Variants in GALNT13 observed in about 807,000 individuals in gnomAD.
GALNT13 encodes UDP-GalNAc:polypeptide N-acetylgalactosaminyltransferase 13.
Under a neutral mutation model 64.2 loss-of-function variants are expected in GALNT13, and 28 were observed. The observed-to-expected ratio is 0.44, with a 90% CI of 0.32 to 0.60. GALNT13 has a LOEUF of 0.60. GALNT13 is among the 20% of genes least tolerant of loss of function. GALNT13 has a pLI of 0.05. For missense variants in GALNT13, 577 were observed against 669.8 expected (o/e 0.86, Z 1.53); for synonymous variants, 214 against 224.6 (o/e 0.95, Z 0.42).
At chr2:153,290,457 A>T in the GALNT13 span, among the ~76,000 whole-genome samples, 1 of 152,226 alleles carries the variant, frequency 6.6e-6, no homozygotes, top group Non-Finnish European at 1.5e-5. Flanking sequence ...GGCACTGGTT[A>T]CCAAAAATCT....
the GALNT13 span, among the ~76,000 whole-genome samples, chr2:153,160,638 T>G: frequency 6.6e-6 from 1 of 152,136 alleles, no homozygotes; most frequent in South Asian, 2.1e-4. Flanking sequence ...GAGAGAAGCA[T>G]GTGTCCATAG....
At chr2:153,644,161 C>G in the GALNT13 span, among the ~76,000 whole-genome samples, 1 of 151,840 alleles carries the variant, frequency 6.6e-6, no homozygotes, top group Non-Finnish European at 1.5e-5. Context: ...ACCAAAGTAT[C>G]TACAAATACA....
chr2:153,221,986 T>C, the GALNT13 span, among the ~76,000 whole-genome samples: 1 of 152,144 alleles, frequency 6.6e-6, no homozygotes, highest in Non-Finnish European at 1.5e-5. Flanking sequence ...TCTTCTCTCC[T>C]TATTCCCCCA....
At chr2:154,446,634 C>G (rs1048923564) in intron 12 of GALNT13, 2 of 1,548,574 alleles carry the variant, frequency 1.3e-6, no homozygotes, top group African/African-American at 2.7e-5. Context: ...TGATGGCTCC[C>G]AGCATCCTAC....
chr2:153,304,856 G>A, the GALNT13 span, among the ~76,000 whole-genome samples: 90 of 152,226 alleles, frequency 5.9e-4, no homozygotes, highest in Admixed American at 7.9e-4. Context: ...TGGTGCAATA[G>A]ATAATAAAAA....
the GALNT13 span, among the ~76,000 whole-genome samples, chr2:153,384,057 A>AT: frequency 6.6e-6 from 1 of 152,034 alleles, no homozygotes; most frequent in Non-Finnish European, 1.5e-5. Flanking sequence ...GCAAAAACCC[A>AT]TTTTCTATTC....
chr2:153,221,111 C>T, the GALNT13 span, among the ~76,000 whole-genome samples: 1 of 152,100 alleles, frequency 6.6e-6, no homozygotes, highest in African/African-American at 2.4e-5. Context: ...TGTAACAAAC[C>T]TGCACATCCT....
At chr2:153,237,012 A>G in the GALNT13 span, among the ~76,000 whole-genome samples, 1 of 152,096 alleles carries the variant, frequency 6.6e-6, no homozygotes, top group Admixed American at 6.6e-5. Flanking sequence ...TCCAACACTC[A>G]TTGAAAACTT....
intron 2 of GALNT13, among the ~76,000 whole-genome samples, chr2:153,921,624 T>C (rs1188983201): frequency 6.6e-6 from 1 of 151,990 alleles, no homozygotes; most frequent in Non-Finnish European, 1.5e-5. Context: ...ACAGAAGTTA[T>C]AATAATAATA....
chr2:154,199,181 A>G lies in GALNT13; in HGVS notation c.312-42849A>G, dbSNP rs562391021. Among the ~76,000 whole-genome samples, 30 of 152,058 alleles carry G rather than the reference A, an allele frequency of 2.0e-4. No homozygotes were observed. In the South Asian group the frequency reaches 6.2e-3, roughly 32 times the overall value. ...TAAAAATAATCATCATGGTATGTTT[A>G]GAAAACTGATTCTGTTCTGCTCTGA... On this transcript the variant is annotated intron_variant, in intron 4 of 12. Coordinates refer to ENST00000392825, the MANE Select transcript of GALNT13 (RefSeq NM_052917.4).
the GALNT13 span, among the ~76,000 whole-genome samples, chr2:153,079,569 A>G: frequency 1.3e-5 from 2 of 152,164 alleles, no homozygotes; most frequent in Non-Finnish European, 2.9e-5. Context: ...TTATGATTAG[A>G]GTTAGTGTCA....
intron 4 of GALNT13, among the ~76,000 whole-genome samples, chr2:154,145,064 CTCTCTCTCTA>C (rs1683490550): frequency 9.7e-6 from 1 of 103,034 alleles, no homozygotes; most frequent in African/African-American, 3.7e-5. Flanking sequence ...CTCTCTCTCT[CTCTCTCTCTA>C]TCTATCTATC....
the GALNT13 span, among the ~76,000 whole-genome samples, chr2:153,606,940 ATTC>A: frequency 1.4e-5 from 2 of 143,924 alleles, no homozygotes; most frequent in African/African-American, 2.6e-5. Flanking sequence ...AATCACTTCC[ATTC>A]TTCATCTCTT....
chr2:153,118,622 C>A, the GALNT13 span, among the ~76,000 whole-genome samples: 1 of 151,992 alleles, frequency 6.6e-6, no homozygotes, highest in East Asian at 1.9e-4. Context: ...GAGCCTCTGG[C>A]ATAAAGGCTC....
At chr2:153,900,031 G>C (rs914332551) in intron 1 of GALNT13, among the ~76,000 whole-genome samples, 1 of 149,368 alleles carries the variant, frequency 6.7e-6, no homozygotes, top group African/African-American at 2.5e-5. Flanking sequence ...CGCCTCCTGG[G>C]TTCAAGTGAT....
chr2:153,134,110 A>G, the GALNT13 span, among the ~76,000 whole-genome samples: 1 of 152,296 alleles, frequency 6.6e-6, no homozygotes, highest in East Asian at 1.9e-4. Flanking sequence ...CCGTTTTGAC[A>G]GTTAAGATGA....
the GALNT13 span, among the ~76,000 whole-genome samples, chr2:153,495,198 A>C: frequency 1.3e-5 from 2 of 152,146 alleles, no homozygotes; most frequent in Non-Finnish European, 2.9e-5. Flanking sequence ...CACTGGTAGG[A>C]CTACACAATG....
At chr2:153,219,783 A>G in the GALNT13 span, among the ~76,000 whole-genome samples, 1 of 152,232 alleles carries the variant, frequency 6.6e-6, no homozygotes, top group East Asian at 1.9e-4. Context: ...TTTAAGACAT[A>G]TCAGTGTGGG....
chr2:153,202,260 C>G, the GALNT13 span, among the ~76,000 whole-genome samples: 7 of 152,100 alleles, frequency 4.6e-5, no homozygotes, highest in African/African-American at 1.7e-4. Flanking sequence ...CTGTCTCCAC[C>G]CATTTCTTGA....
Sources: allele counts gnomAD v4.1 joint callset (sites outside exome capture counted in the v4.1 genomes callset), GRCh38; gene constraint gnomAD v4.1.1; transcripts MANE v1.5; gene names NCBI Gene and HGNC (gene_info 2026-07-23, HGNC 2026-07-21).